SPATA13: variants seen among roughly 807,000 people sequenced by gnomAD.
The protein encoded by SPATA13 is spermatogenesis associated 13, also known as spermatogenesis-associated protein 13.
In SPATA13, 50 loss-of-function variants were observed where a neutral mutation model predicts 104.0. The observed-to-expected ratio is 0.48, with a 90% CI of 0.38 to 0.61. SPATA13 has a LOEUF of 0.61. Ranked by LOEUF, SPATA13 falls within the 20% of genes least tolerant of loss-of-function variation. The probability of loss-of-function intolerance (pLI) is 0.00; values close to 1 mark genes in which losing one functional copy is unlikely to be tolerated. For synonymous variants in SPATA13, 606 were observed against 667.5 expected (o/e 0.91, Z 1.42); for missense variants, 1,524 against 1,690.6 (o/e 0.90, Z 1.73).
chr13:24,301,035 C>G (rs1259517671), intron 12 of SPATA13, among the ~76,000 whole-genome samples: 3 of 152,110 alleles, frequency 2.0e-5, no homozygotes, highest in African/African-American at 7.2e-5. Flanking sequence ...GGAAGCTGTT[C>G]AAAAATGCTG....
At chr13:24,071,990 C>CCATCTG in intron 3 of SPATA13, among the ~76,000 whole-genome samples, 1 of 152,256 alleles carries the variant, frequency 6.6e-6, no homozygotes, top group East Asian at 1.9e-4. Flanking sequence ...GTAACATGTG[C>CCATCTG]TTGCTGTATT....
intron 4 of SPATA13, chr13:24,278,554 A>C: frequency 8.2e-7 from 1 of 1,218,646 alleles, no homozygotes; most frequent in Non-Finnish European, 1.1e-6. Flanking sequence ...CTGGGATTAC[A>C]AGCATGAGCT....
intron 2 of SPATA13, among the ~76,000 whole-genome samples, chr13:24,241,464 A>G (rs1282966316): frequency 6.6e-6 from 1 of 152,208 alleles, no homozygotes; most frequent in Non-Finnish European, 1.5e-5. Flanking sequence ...TTTGCCATTT[A>G]CTTAGTTTTG....
chr13:24,151,424 C>T (rs1882097599), intron 3 of SPATA13, among the ~76,000 whole-genome samples: 1 of 152,150 alleles, frequency 6.6e-6, no homozygotes. Flanking sequence ...CAACACAGTG[C>T]CTGGCTGTTA....
chr13:23,984,674 A>G (rs1875065154), intron 2 of SPATA13, among the ~76,000 whole-genome samples: 1 of 152,224 alleles, frequency 6.6e-6, no homozygotes, highest in South Asian at 2.1e-4. Flanking sequence ...TTTCCAAGGA[A>G]CACGGAAAGT....
intron 3 of SPATA13, among the ~76,000 whole-genome samples, chr13:24,024,292 A>G (rs1004526591): frequency 3.3e-5 from 5 of 152,174 alleles, no homozygotes; most frequent in African/African-American, 1.2e-4. Context: ...AAGATGAAGT[A>G]TAGAGATTCC....
chr13:24,215,052 C>T (rs1424647864), intron 1 of SPATA13, among the ~76,000 whole-genome samples: 1 of 152,156 alleles, frequency 6.6e-6, no homozygotes, highest in East Asian at 1.9e-4. Context: ...TCGAGCACAG[C>T]GTCTCCCTGA....
In SPATA13 at chr13:24,294,938, C is replaced by T. The variant is rs1011047947; in HGVS notation, c.3210+70C>T. On this transcript the variant is annotated intron_variant, in intron 10 of 12. Coordinates refer to ENST00000382108, the MANE Select transcript of SPATA13 (RefSeq NM_001166271.3). ...CCGCACCTTTGATCTGGTGCAGATG[C>T]ACTTTAATATCCTGTGGTCAATATC... 5 of 1,483,070 alleles carry T rather than the reference C, an allele frequency of 3.4e-6. No homozygotes were observed. The Admixed American group carries it at 5.3e-5, about 16-fold the overall frequency. The allele number at this position is 1,483,070 out of a possible 1,614,324, so 91.9% of individuals were successfully genotyped here.
intron 3 of SPATA13, among the ~76,000 whole-genome samples, chr13:24,036,965 G>A (rs904327942): frequency 2.0e-5 from 3 of 151,624 alleles, no homozygotes; most frequent in African/African-American, 7.3e-5. Flanking sequence ...TAGTAGAGAC[G>A]GGGTTTGACC....
intron 2 of SPATA13, among the ~76,000 whole-genome samples, chr13:24,248,265 A>G (rs1873274968): frequency 6.6e-6 from 1 of 152,314 alleles, no homozygotes; most frequent in Non-Finnish European, 1.5e-5. Context: ...AACTCCTGCC[A>G]TAAGAGCTGT....
chr13:24,227,851 T>G (rs1872032671), intron 2 of SPATA13, among the ~76,000 whole-genome samples: 1 of 152,134 alleles, frequency 6.6e-6, no homozygotes, highest in Non-Finnish European at 1.5e-5. Flanking sequence ...ATTATAGGTG[T>G]GAGCCACCAC....
chr13:24,054,289 G>A (rs1396342406), intron 3 of SPATA13, among the ~76,000 whole-genome samples: 3 of 152,194 alleles, frequency 2.0e-5, no homozygotes, highest in Admixed American at 1.3e-4. Flanking sequence ...GATTTAAAGA[G>A]AACTGCAAAT....
In SPATA13 at chr13:24,088,704, C is replaced by T. The variant is rs963063641; in HGVS notation, c.-112+71003C>T. On this transcript the variant is annotated intron_variant, in intron 3 of 14. Transcript: ENST00000424834. This position sits in a 1 kb window ranked among gnomAD's most constrained non-coding sequence, Gnocchi z 4.3. The stretch of plus-strand genomic sequence containing the variant: ...TGTATAGTAGAAACTCAGTGGCACT[C>T]GGGCCCTGCTTCTCACTGAGAGCTG... Among the ~76,000 whole-genome samples, 2 of 152,190 alleles carry T rather than the reference C, an allele frequency of 1.3e-5. No individual in the cohort carries two copies. The highest frequency in any genetic ancestry group is 2.9e-5 in the Non-Finnish European group (2 of 68,030).
intron 4 of SPATA13, chr13:24,278,621 T>G (rs995601292): frequency 6.2e-6 from 9 of 1,463,388 alleles, no homozygotes; most frequent in Non-Finnish European, 8.1e-6. Flanking sequence ...CAGGGTGCTT[T>G]CATGTATCAT....
chr13:24,104,406 A>G (rs17353284), intron 3 of SPATA13, among the ~76,000 whole-genome samples: 9,324 of 152,316 alleles, frequency 0.061, 403 homozygotes, highest in Middle Eastern at 0.11. Context: ...TACAATTCTC[A>G]AGGCAGGCAT....
chr13:24,237,880 C>A (rs894070329), intron 2 of SPATA13, among the ~76,000 whole-genome samples: 1 of 84,124 alleles, frequency 1.2e-5, no homozygotes, highest in African/African-American at 4.2e-5. Context: ...TAATATATAT[C>A]ATTTATAATA....
chr13:23,986,617 G>T (rs1420714100), intron 2 of SPATA13, among the ~76,000 whole-genome samples: 1 of 152,198 alleles, frequency 6.6e-6, no homozygotes, highest in African/African-American at 2.4e-5. Context: ...ACAAGGTTGG[G>T]AAAGTCTGCC....
At position 24,285,262 on chromosome 13, in the gene SPATA13, G is replaced by A. The variant is rs58330072; in HGVS notation, c.2302-952G>A. On this transcript the variant is annotated intron_variant, in intron 5 of 12. Coordinates refer to ENST00000382108, the MANE Select transcript of SPATA13 (RefSeq NM_001166271.3). ...ATGTTCTCTTCAATTGCTGTAAAGTGTAAAGTTAGATGCAAAACTTACTCG... is the reference window on the plus strand; with the variant it reads ...ATGTTCTCTTCAATTGCTGTAAAGTATAAAGTTAGATGCAAAACTTACTCG... Among the ~76,000 whole-genome samples, 1,353 of 152,274 alleles carry A rather than the reference G, an allele frequency of 8.9e-3. 26 individuals carry two copies. The highest frequency in any genetic ancestry group is 0.031 in the African/African-American group (1,296 of 41,544).
chr13:24,272,181 G>T (rs574221251), intron 4 of SPATA13, among the ~76,000 whole-genome samples: 4 of 152,066 alleles, frequency 2.6e-5, no homozygotes, highest in African/African-American at 4.8e-5. Context: ...GGGCAGGGGT[G>T]GGGGGCAGGT....
Sources: gnomAD v4.1 joint callset for allele counts (sites outside exome capture counted in the v4.1 genomes callset) on GRCh38, gnomAD v4.1.1 for gene constraint, Gnocchi (gnomAD v3.1) non-coding constraint, MANE v1.5 for transcripts, NCBI Gene and HGNC (gene_info 2026-07-23, HGNC 2026-07-21) for gene names.